RC3H1: variants seen among roughly 807,000 people sequenced by gnomAD.
RC3H1 encodes the protein ring finger and CCCH-type domains 1.
In RC3H1, 50 loss-of-function variants were observed where a neutral mutation model predicts 138.2. The ratio of observed to expected loss-of-function variants is 0.36; its 90% confidence interval spans 0.29 to 0.46. RC3H1 has a LOEUF of 0.46. RC3H1 is among the 20% of genes least tolerant of loss of function. RC3H1 has a pLI of 1.00. For synonymous variants in RC3H1, 462 were observed against 489.1 expected, an observed-to-expected ratio of 0.94 and a Z score of 0.73; for missense variants, 1,031 against 1,388.1, an observed-to-expected ratio of 0.74 and a Z score of 4.09.
At chr1:174,004,566 G>C (rs1404618508) in intron 1 of RC3H1, among the ~76,000 whole-genome samples, 2 of 151,886 alleles carry the variant, frequency 1.3e-5, no homozygotes, top group African/African-American at 4.8e-5. Context: ...GGCACTCCAG[G>C]AGGCCAAGGC....
chr1:173,954,039 AAAT>A (rs891893188), intron 13 of RC3H1, among the ~76,000 whole-genome samples: 2 of 151,634 alleles, frequency 1.3e-5, no homozygotes, highest in East Asian at 1.9e-4. Flanking sequence ...ACTCCATCTC[AAAT>A]AATAATAATA....
chr1:174,015,675 TA>T (rs1661849919), intron 1 of RC3H1, among the ~76,000 whole-genome samples: 3 of 85,866 alleles, frequency 3.5e-5, no homozygotes, highest in African/African-American at 4.7e-4. Context: ...TCATATTTTA[TA>T]TATATATATA....
At chr1:174,001,425 C>G (rs1393553676) in intron 1 of RC3H1, among the ~76,000 whole-genome samples, 1 of 152,138 alleles carries the variant, frequency 6.6e-6, no homozygotes, top group Admixed American at 6.5e-5. Flanking sequence ...ATGATGTGAC[C>G]AGACTCAAAG....
chr1:173,969,710 A>AAAAAT (rs1197700698), intron 9 of RC3H1, among the ~76,000 whole-genome samples: 5 of 151,570 alleles, frequency 3.3e-5, no homozygotes, highest in Admixed American at 2.0e-4. Context: ...TCTATTTTTA[A>AAAAAT]AAAATAAAAT....
intron 7 of RC3H1, among the ~76,000 whole-genome samples, chr1:173,975,814 C>T (rs1660551625): frequency 1.2e-5 from 1 of 80,688 alleles, no homozygotes; most frequent in Non-Finnish European, 1.9e-5. Flanking sequence ...AGGAGAATGG[C>T]GTGAACCCGG....
chr1:173,982,594 A>T, intron 5 of RC3H1, 133 bp downstream of exon 5: 1 of 705,230 alleles, frequency 1.4e-6, no homozygotes, highest in Non-Finnish European at 2.3e-6. Context: ...TACATTCTTT[A>T]AAAGAATAAA....
intron 6 of RC3H1, among the ~76,000 whole-genome samples, chr1:173,979,455 G>A (rs1660714681): frequency 6.6e-6 from 1 of 152,166 alleles, no homozygotes; most frequent in South Asian, 2.1e-4. Context: ...AAACCAGCCT[G>A]GCCAACATGG....
Position 173,935,681 on chromosome 1 carries a change from A to G in RC3H1, c.*3040T>C, listed in dbSNP as rs1240902518. 6.6e-6 allele frequency: 1 copy of G among 152,212 alleles called. No homozygotes were observed. The highest frequency in any genetic ancestry group is 1.5e-5 in the Non-Finnish European group (1 of 68,044). The allele number at this position is 152,212 out of a possible 1,614,324, so 9.4% of individuals were successfully genotyped here. ...GCCCAAATATGCCATTTGTCCTTACAGGCTCATGATATCACAGAGAAAAGG... is the reference window on the plus strand; with the variant it reads ...GCCCAAATATGCCATTTGTCCTTACGGGCTCATGATATCACAGAGAAAAGG... On this transcript the variant is annotated 3_prime_UTR_variant, in exon 20 of 20. Coordinates refer to ENST00000367696, the MANE Select transcript of RC3H1 (RefSeq NM_172071.4).
intron 13 of RC3H1, among the ~76,000 whole-genome samples, chr1:173,957,226 T>C (rs1037985327): frequency 6.6e-6 from 1 of 152,184 alleles, no homozygotes; most frequent in Non-Finnish European, 1.5e-5. Context: ...CAATAATAAA[T>C]ATGAATTATT....
intron 9 of RC3H1, 25 bp downstream of exon 9, chr1:173,970,480 A>G (rs1660310288): frequency 6.7e-7 from 1 of 1,502,614 alleles, no homozygotes; most frequent in African/African-American, 1.4e-5. Flanking sequence ...ACCTTATTCC[A>G]AAGTCTCCTG....
Position 173,972,079 on chromosome 1 carries a change from A to G in RC3H1, c.1221+430T>C, listed in dbSNP as rs866369149. Among the ~76,000 whole-genome samples, 3 of 152,328 alleles carry G rather than the reference A, an allele frequency of 2.0e-5. No homozygotes were observed. In the East Asian group the frequency reaches 5.8e-4, roughly 29 times the overall value. On this transcript the variant is annotated intron_variant, in intron 8 of 19. Transcript: ENST00000367696. ...GAATGAAAAAAATCTTAAAATATTA[A>G]TAAGAAAATCTATAGAAATTTGAAC...
At position 173,943,466 on chromosome 1, in the gene RC3H1, C is replaced by T. The variant is rs377299666; in HGVS notation, c.3111G>A (p.Gly1037=). ...CCATACTCAGTTCCCGTGTTCTCTT[C>T]CCGATTTCCCTTTCCACCTGGTGCA... ...LELHQVEREI[G]KRTRELSMEN... Residue 1037 remains glycine, a synonymous_variant, in exon 18 of 20, where the codon GGG becomes GGA. Transcript: ENST00000367696. 2 of 1,613,830 alleles carry T rather than the reference C, an allele frequency of 1.2e-6. No individual in the cohort carries two copies. Among genetic ancestry groups the T allele is most frequent in the Non-Finnish European group, 1.7e-6 (2 of 1,179,844 alleles).
intron 2 of RC3H1, among the ~76,000 whole-genome samples, chr1:173,985,405 G>A (rs1393982917): frequency 2.2e-5 from 2 of 92,834 alleles, no homozygotes; most frequent in African/African-American, 3.3e-4. Flanking sequence ...TACCAGGAGT[G>A]TATAAGGGTT....
intron 1 of RC3H1, among the ~76,000 whole-genome samples, chr1:174,007,314 C>T (rs546073248): frequency 8.9e-4 from 135 of 151,406 alleles, no homozygotes; most frequent in African/African-American, 3.0e-3. Flanking sequence ...GGCGTGAACC[C>T]GGGAGGCGGA....
In RC3H1 at chr1:173,947,598, A is replaced by G. The variant is rs1324175442; in HGVS notation, c.2524-16T>C. The G allele has an allele frequency of 9.4e-6, 15 of 1,602,556 alleles. No individual in the cohort carries two copies. The highest frequency in any genetic ancestry group is 6.7e-5 in the Admixed American group (4 of 59,968). ...TCTCCACATTCTGATAAAAAAGCAA[A>G]ATGAGAAATTACCCCACACTCAGAT... On this transcript the variant is annotated splice_polypyrimidine_tract_variant and intron_variant, in intron 14 of 19. Transcript: ENST00000367696.
At chr1:173,983,022 G>C in intron 4 of RC3H1, 120 bp from the exon 5 acceptor site, 1 of 834,492 alleles carries the variant, frequency 1.2e-6, no homozygotes, top group East Asian at 2.7e-5. Context: ...ATACAGTTAA[G>C]ATTAACCAGC....
chr1:173,938,987 A>C (rs1476418534), intron 19 of RC3H1, 116 bp from the exon 20 acceptor site: 4 of 732,196 alleles, frequency 5.5e-6, no homozygotes, highest in Non-Finnish European at 8.3e-6. Flanking sequence ...TCCACATTTT[A>C]ATCTACAGCC....
At chr1:173,966,827 T>C (rs1212349225) in intron 9 of RC3H1, among the ~76,000 whole-genome samples, 1 of 152,218 alleles carries the variant, frequency 6.6e-6, no homozygotes, top group Non-Finnish European at 1.5e-5. Context: ...GGGAGAAAAC[T>C]ACCCCTCAGG....
intron 7 of RC3H1, among the ~76,000 whole-genome samples, chr1:173,976,923 CTT>C (rs542743644): frequency 2.5e-4 from 33 of 132,460 alleles, no homozygotes; most frequent in Middle Eastern, 3.8e-3. Context: ...GATGTGATTT[CTT>C]TTTTTTTTTT....
Sources: gnomAD v4.1 joint callset for allele counts (sites outside exome capture counted in the v4.1 genomes callset) on GRCh38, gnomAD v4.1.1 for gene constraint, MANE v1.5 for transcripts, NCBI Gene and HGNC (gene_info 2026-07-23, HGNC 2026-07-21) for gene names.